SH3PXD2A: variants seen among roughly 807,000 people sequenced by gnomAD.
SH3PXD2A encodes the protein SH3 and PX domains 2A, also known as SH3 and PX domain-containing protein 2A.
In SH3PXD2A, 32 loss-of-function variants were observed where a neutral mutation model predicts 115.2. The observed-to-expected ratio is 0.28, with a 90% CI of 0.21 to 0.37. The LOEUF is 0.37. Ranked by LOEUF, SH3PXD2A falls within the 10% of genes least tolerant of loss-of-function variation. The pLI is 1.00. For missense variants in SH3PXD2A, 1,328 were observed against 1,498.7 expected (o/e 0.89, Z 1.88); for synonymous variants, 610 against 629.1 (o/e 0.97, Z 0.45).
At chr10:103,847,898 C>A (rs926594285) in intron 1 of SH3PXD2A, among the ~76,000 whole-genome samples, 2 of 151,458 alleles carry the variant, frequency 1.3e-5, no homozygotes, top group African/African-American at 4.9e-5. Flanking sequence ...GAGATCGCAC[C>A]ACTGCACTCC....
chr10:103,718,548 C>A (rs961405671), intron 5 of SH3PXD2A, among the ~76,000 whole-genome samples: 1 of 152,238 alleles, frequency 6.6e-6, no homozygotes. Flanking sequence ...CCTGCCTCCC[C>A]ACTTGGCTGC....
At chr10:103,621,010 G>A (rs1045162229) in intron 10 of SH3PXD2A, among the ~76,000 whole-genome samples, 5 of 152,200 alleles carry the variant, frequency 3.3e-5, no homozygotes, top group Admixed American at 6.5e-5. Context: ...ACATGGCACG[G>A]TGTATGCGTG....
chr10:103,792,786 A>G (rs1457691393), intron 2 of SH3PXD2A, among the ~76,000 whole-genome samples: 1 of 152,196 alleles, frequency 6.6e-6, no homozygotes, highest in East Asian at 1.9e-4. Context: ...CTGCCTCAAT[A>G]TGTAGTTTGC....
intron 5 of SH3PXD2A, among the ~76,000 whole-genome samples, chr10:103,693,938 C>A (rs2037793218): frequency 6.6e-6 from 1 of 152,204 alleles, no homozygotes; most frequent in South Asian, 2.1e-4. Context: ...ACCTGCCCTG[C>A]CCTCCAGCAA....
At chr10:103,743,067 G>C (rs557541093) in intron 3 of SH3PXD2A, among the ~76,000 whole-genome samples, 1 of 152,288 alleles carries the variant, frequency 6.6e-6, no homozygotes, top group South Asian at 2.1e-4. Flanking sequence ...CCTGAGACCT[G>C]ACCAGGTCCC....
intron 6 of SH3PXD2A, among the ~76,000 whole-genome samples, chr10:103,692,046 T>C (rs1480080134): frequency 2.0e-5 from 3 of 152,208 alleles, no homozygotes; most frequent in Admixed American, 6.5e-5. Flanking sequence ...AGGAGCCACG[T>C]GTTACCTCCT....
intron 3 of SH3PXD2A, among the ~76,000 whole-genome samples, chr10:103,747,621 G>T (rs2134200665): frequency 6.6e-6 from 1 of 152,232 alleles, no homozygotes; most frequent in South Asian, 2.1e-4. Flanking sequence ...GGAAGTCCTG[G>T]GTCGCAGTGA....
intron 2 of SH3PXD2A, among the ~76,000 whole-genome samples, chr10:103,771,758 C>G (rs180873654): frequency 4.0e-4 from 60 of 151,736 alleles, no homozygotes; most frequent in African/African-American, 1.4e-3. Flanking sequence ...CACACACACA[C>G]ACACACACAC....
intron 1 of SH3PXD2A, among the ~76,000 whole-genome samples, chr10:103,836,671 TCA>T (rs1321714450): frequency 2.2e-5 from 2 of 90,708 alleles, no homozygotes; most frequent in Admixed American, 2.7e-4. Flanking sequence ...CACTCCACAC[TCA>T]CAGACATGTA....
At chr10:103,615,217 G>T (rs992683235) in intron 11 of SH3PXD2A, among the ~76,000 whole-genome samples, 1 of 152,206 alleles carries the variant, frequency 6.6e-6, no homozygotes, top group Admixed American at 6.5e-5. Context: ...CCTCACTGAC[G>T]ATTTTTCTAC....
At chr10:103,726,655 G>C (rs1210675454) in intron 4 of SH3PXD2A, among the ~76,000 whole-genome samples, 4 of 152,352 alleles carry the variant, frequency 2.6e-5, no homozygotes, top group African/African-American at 9.6e-5. Flanking sequence ...TATGGGACAT[G>C]ATAGTGGGGC....
chr10:103,603,270 G>A lies in SH3PXD2A; in HGVS notation c.1948C>T (p.Leu650=). 9 of 1,614,060 alleles carry A rather than the reference G, an allele frequency of 5.6e-6. No homozygotes were observed. The highest frequency in any genetic ancestry group is 7.6e-6 in the Non-Finnish European group (9 of 1,180,010). ...GDSDSPGSSS[L]SLTRKNSPKS... is the part of the protein sequence containing the mutation. Reference sequence around the variant, plus strand: ...GGGGAGTTTTTCCTGGTCAGGGACAGCGAGGAGCTGCCTGGGGAGTCGCTG... The same window carrying A: ...GGGGAGTTTTTCCTGGTCAGGGACAACGAGGAGCTGCCTGGGGAGTCGCTG... Residue 650 remains leucine, a synonymous_variant, in exon 15 of 15, where the codon CTG becomes TTG. Transcript: ENST00000369774.
At chr10:103,754,355 C>A (rs562733268) in intron 3 of SH3PXD2A, 1 of 152,238 alleles carries the variant, frequency 6.6e-6, no homozygotes, top group Non-Finnish European at 1.5e-5. Flanking sequence ...AGGAGTGTGC[C>A]ACCATGCTTG....
intron 6 of SH3PXD2A, among the ~76,000 whole-genome samples, chr10:103,674,719 C>T (rs989954374): frequency 1.3e-5 from 2 of 152,076 alleles, no homozygotes; most frequent in African/African-American, 4.8e-5. Context: ...ACTCAGGAGG[C>T]TGAGGCAGGA....
intron 2 of SH3PXD2A, among the ~76,000 whole-genome samples, chr10:103,782,932 TTG>T (rs2038945425): frequency 1.4e-4 from 19 of 131,918 alleles, no homozygotes; most frequent in Admixed American, 1.2e-3. Context: ...AATGCATGCC[TTG>T]GGGGGGGGGG....
chr10:103,809,004 C>T lies in SH3PXD2A; in HGVS notation c.73-7642G>A, dbSNP rs532288056. On this transcript the variant is annotated intron_variant, in intron 1 of 14. Coordinates refer to ENST00000369774, the MANE Select transcript of SH3PXD2A (RefSeq NM_001394015.1). ...TGGTGGCCTAGGAGCAGAATACAAACACATCTTTGCCAACCTAAAACCCTG... is the reference window on the plus strand; with the variant it reads ...TGGTGGCCTAGGAGCAGAATACAAATACATCTTTGCCAACCTAAAACCCTG... Among the ~76,000 whole-genome samples the T allele has an allele frequency of 2.0e-5, 3 of 152,326 alleles. No homozygotes were observed. The South Asian group carries it at 6.2e-4, about 32-fold the overall frequency.
chr10:103,699,478 T>C (rs1158754921), intron 5 of SH3PXD2A, among the ~76,000 whole-genome samples: 3 of 152,164 alleles, frequency 2.0e-5, no homozygotes, highest in African/African-American at 7.2e-5. Context: ...CACAGGGCTA[T>C]TGTGAGAATT....
chr10:103,678,147 C>T lies in SH3PXD2A; in HGVS notation c.428-9495G>A, dbSNP rs187533562. ...AACAGGAGCCGGAGCAGGAACGACC[C>T]GTTCATGTGTAATGTCTGGGGGGAG... On this transcript the variant is annotated intron_variant, in intron 6 of 14. Transcript: ENST00000369774. 6 of 1,289,022 alleles carry T rather than the reference C, an allele frequency of 4.7e-6. No individual in the cohort carries two copies. The Admixed American group carries it at 9.2e-5, about 20-fold the overall frequency. 79.8% of individuals were successfully genotyped at this position (1,289,022 alleles called of 1,614,324 possible).
At chr10:103,671,005 C>T (rs982744460) in intron 6 of SH3PXD2A, among the ~76,000 whole-genome samples, 6 of 152,260 alleles carry the variant, frequency 3.9e-5, no homozygotes, top group Admixed American at 3.3e-4. Context: ...AGGCCCATCC[C>T]AGCGCCATCT....
Sources: gnomAD v4.1 joint callset for allele counts (sites outside exome capture counted in the v4.1 genomes callset) on GRCh38, gnomAD v4.1.1 for gene constraint, MANE v1.5 for transcripts, NCBI Gene and HGNC (gene_info 2026-07-23, HGNC 2026-07-21) for gene names.